The following FCSK variants were observed in gnomAD, a reference collection of about 807,000 sequenced individuals.
FCSK encodes the protein fucose kinase.
FCSK carries 123 observed loss-of-function variants against 122.5 expected under a neutral mutation model. That is an observed-to-expected ratio of 1.00 (90% CI 0.87 to 1.17). The LOEUF (loss-of-function observed/expected upper bound fraction) is 1.17, where lower values mean the gene tolerates loss of function less well. Among genes scored for constraint, FCSK ranks in the 50% most tolerant of loss-of-function variants. The pLI is 0.00. For missense variants in FCSK, 1,366 were observed against 1,450.4 expected, an observed-to-expected ratio of 0.94 and a Z score of 0.95; for synonymous variants, 620 against 625.5, an observed-to-expected ratio of 0.99 and a Z score of 0.13.
rs371965926 is a variant in FCSK, at chr16:70,479,223, G to A, written c.2973G>A (p.Glu991=). 2 of 1,613,846 alleles carry A rather than the reference G, an allele frequency of 1.2e-6. No homozygotes were observed. The highest frequency in any genetic ancestry group is 1.7e-6 in the Non-Finnish European group (2 of 1,180,040). Residue 991 remains glutamate (E), a synonymous_variant, in exon 23 of 24, where the codon GAG becomes GAA. Transcript: ENST00000288078. ...GCCAGTGCCTGACCTCGTACTGGGA[G>A]CAGAAGAAGCTCATGGCTCCAGGCT... The part of the protein sequence containing the change: ...LLGQCLTSYW[E]QKKLMAPGCE...
Position 70,469,321 on chromosome 16 carries a change from T to G in FCSK, c.953T>G (p.Met318Arg), listed in dbSNP as rs749811306. Residue 318 changes from methionine to arginine, a missense_variant and splice_region_variant, in exon 10 of 24, where the codon ATG becomes AGG. Transcript: ENST00000288078. ...GAGCTTCGCGATCAGCCCCTTACCA[T>G]GGGTGGGTACTGCCTCTCAGCTCCC... The part of the protein sequence containing the change: ...WRELRDQPLT[M>R]AYVSSGSYSY... 3.1e-6 allele frequency: 5 copies of G among 1,592,298 alleles called. No homozygotes were observed. The highest frequency in any genetic ancestry group is 1.7e-6 in the Non-Finnish European group (2 of 1,171,390).
At chr16:70,461,866 G>A (rs564946253) in intron 1 of FCSK, among the ~76,000 whole-genome samples, 1 of 152,316 alleles carries the variant, frequency 6.6e-6, no homozygotes, top group East Asian at 1.9e-4. Flanking sequence ...CCAGCCATCC[G>A]CCTTGGTGTC....
At chr16:70,479,087 G>A (rs571228058) in intron 22 of FCSK, 93 bp from the exon 23 acceptor site, 1 of 975,656 alleles carries the variant, frequency 1.0e-6, no homozygotes, top group East Asian at 2.6e-5. Flanking sequence ...CCATGACACT[G>A]GCTCAGCAGC....
rs769009456 is a variant in FCSK, at chr16:70,468,852, T to C, written c.667T>C (p.Ser223Pro). Residue 223 changes from serine (S) to proline (P), a missense_variant, in exon 9 of 24, where the codon TCT (serine) becomes CCT (proline). By Grantham distance (74) the Ser-to-Pro change is moderately conservative. Transcript: ENST00000288078. ...VRPDGRVPLV[S>P]GVVFFSVETA... ...ATCCTTTTGGGGTCCCTTCCAGGTC[T>C]CTGGGGTTGTCTTCTTCTCTGTGGA... is the stretch of plus-strand genomic sequence containing the variant. 22 of 1,614,030 alleles carry C rather than the reference T, an allele frequency of 1.4e-5. No individual in the cohort carries two copies. In the Admixed American group the frequency reaches 3.7e-4, roughly 27 times the overall value.
Position 70,474,241 on chromosome 16 carries a change from CA to C in FCSK, c.1892del (p.Asn631ThrfsTer31). ...RGGLRSGPAA[N>X]PEWMRPFSYL... The stretch of plus-strand genomic sequence containing the variant: ...GGGGCTTGCGGAGCGGGCCAGCTGC[CA>C]ACCCTGAGTGGATGCGGCCCTTCTC... On this transcript the variant is annotated frameshift_variant, in exon 16 of 24. Coordinates refer to ENST00000288078, the MANE Select transcript of FCSK (RefSeq NM_145059.3). LOFTEE classifies it high-confidence loss of function. 6.2e-7 allele frequency: 1 copy of C among 1,610,286 alleles called. No individual in the cohort carries two copies. The highest frequency in any genetic ancestry group is 8.5e-7 in the Non-Finnish European group (1 of 1,178,888).
chr16:70,464,278 A>T (rs909212775), intron 3 of FCSK, among the ~76,000 whole-genome samples: 1 of 152,188 alleles, frequency 6.6e-6, no homozygotes, highest in African/African-American at 2.4e-5. Flanking sequence ...GGAGGGGACC[A>T]CTGTAGCTGC....
chr16:70,466,315 C>G (rs1456402638), intron 5 of FCSK, 58 bp downstream of exon 5: 1 of 1,601,382 alleles, frequency 6.2e-7, no homozygotes, highest in African/African-American at 1.3e-5. Flanking sequence ...TTCCCTCCCA[C>G]TGTTCCCCCA....
In FCSK at chr16:70,478,445, C is replaced by T. The variant is rs17883248; in HGVS notation, c.2815C>T (p.Arg939Trp). 493 of 1,614,026 alleles carry T rather than the reference C, an allele frequency of 3.1e-4. 2 individuals are homozygous for T. The African/African-American group carries it at 5.8e-3, about 19-fold the overall frequency. Residue 939 changes from arginine (R) to tryptophan (W), a missense_variant, in exon 21 of 24, where the codon CGG becomes TGG. By Grantham distance (101) the Arg-to-Trp change is moderately radical (BLOSUM62 -3). Coordinates refer to ENST00000288078, the MANE Select transcript of FCSK (RefSeq NM_145059.3). ...GTACACTGGCAAGACCCGCCTGGCTCGGAACCTGCTGCAGGTGAGCTCTGG... is the reference window on the plus strand; with the variant it reads ...GTACACTGGCAAGACCCGCCTGGCTTGGAACCTGCTGCAGGTGAGCTCTGG... ...LVYTGKTRLA[R>W]NLLQDVLRSW... is the part of the protein sequence containing the mutation.
At position 70,475,159 on chromosome 16, in the gene FCSK, C is replaced by T. The variant is rs550469599; in HGVS notation, c.2377+148C>T. The T allele has an allele frequency of 7.0e-6, 7 of 993,766 alleles. No homozygotes were observed. The South Asian group carries it at 1.1e-4, about 16-fold the overall frequency. 61.6% of individuals were successfully genotyped at this position (993,766 alleles called of 1,614,324 possible). ...GGGAAGGAAGGGGCTGGGAGTCAAC[C>T]TGCAAAGATGACACGTGTCCCTGTC... is the stretch of plus-strand genomic sequence containing the variant. On this transcript the variant is annotated intron_variant, in intron 18 of 23. Coordinates refer to ENST00000288078, the MANE Select transcript of FCSK (RefSeq NM_145059.3).
chr16:70,463,646 G>T lies in FCSK; in HGVS notation c.106G>T (p.Glu36Ter). ...AGAACTGGAAGTGCGGCAGAAGCGGGAGCAGATCCCTGCTGGGACGCTGTT... is the reference window on the plus strand; with the variant it reads ...AGAACTGGAAGTGCGGCAGAAGCGGTAGCAGATCCCTGCTGGGACGCTGTT... ...QRELEVRQKREQIPAGTLLLA... is the reference protein window; with the variant it reads ...QRELEVRQKR Residue 36 changes from glutamate (E) to a stop codon, truncating the protein, a stop_gained, in exon 3 of 24, where the codon GAG becomes TAG. Coordinates refer to ENST00000288078, the MANE Select transcript of FCSK (RefSeq NM_145059.3). LOFTEE classifies it high-confidence loss of function. The T allele has an allele frequency of 1.9e-6, 3 of 1,613,572 alleles. No homozygotes were observed. The South Asian group carries it at 3.3e-5, about 18-fold the overall frequency.
rs746737160 is a variant in FCSK at position 70,475,343 on chromosome 16, TC to T, written c.2378-6del. The stretch of plus-strand genomic sequence containing the variant: ...TGAATTCCTTTCTCATGCCTGTCCT[TC>T]TGCAGGGGCCCTGCTGAAGGCGGCC... On this transcript the variant is annotated splice_polypyrimidine_tract_variant and splice_region_variant and intron_variant, in intron 18 of 23. Transcript: ENST00000288078. 6.2e-7 allele frequency: 1 copy of T among 1,609,148 alleles called. No homozygotes were observed. Among genetic ancestry groups the T allele is most frequent in the Non-Finnish European group, 8.5e-7 (1 of 1,179,810 alleles).
rs77606866 is a variant in FCSK, at chr16:70,468,037, T to G, written c.663+71T>G. 8.5e-4 allele frequency: 971 copies of G among 1,138,636 alleles called. 3 individuals carry two copies. The African/African-American group carries it at 0.011, about 13-fold the overall frequency. 70.5% of individuals were successfully genotyped at this position (1,138,636 alleles called of 1,614,324 possible). ...GACAGGGAGGGAGGGTCTGACTTCCTTCGATTCCTTCTAGAAGCCTCCAGG... is the reference window on the plus strand; with the variant it reads ...GACAGGGAGGGAGGGTCTGACTTCCGTCGATTCCTTCTAGAAGCCTCCAGG... On this transcript the variant is annotated intron_variant, in intron 8 of 23. Coordinates refer to ENST00000288078, the MANE Select transcript of FCSK (RefSeq NM_145059.3).
intron 4 of FCSK, 94 bp from the exon 5 acceptor site, chr16:70,466,038 A>C: frequency 2.3e-6 from 3 of 1,283,146 alleles, no homozygotes; most frequent in Non-Finnish European, 3.3e-6. Flanking sequence ...ATTTTTTATC[A>C]GCCCTCCACT....
intron 6 of FCSK, 116 bp downstream of exon 6, chr16:70,467,070 A>C: frequency 1.0e-6 from 1 of 960,068 alleles, no homozygotes; most frequent in Non-Finnish European, 1.6e-6. Flanking sequence ...ATTAGACGGG[A>C]AGCTGGAGGG....
chr16:70,471,498 T>C (rs746314257), intron 13 of FCSK, 146 bp downstream of exon 13: 1 of 819,520 alleles, frequency 1.2e-6, no homozygotes, highest in Non-Finnish European at 1.9e-6. Context: ...GAGGAGAGAA[T>C]GAGGGAGGAG....
rs1245032225 is a variant in FCSK at position 70,467,407 on chromosome 16, T to C, written c.518T>C (p.Val173Ala). The C allele has an allele frequency of 6.2e-7, 1 of 1,610,630 alleles. No individual in the cohort carries two copies. The change falls in exon 7 of 24, where the codon GTG becomes GCG. Residue 173 changes from valine (V) to alanine (A), a missense_variant. By Grantham distance (64) the Val-to-Ala change is moderately conservative (BLOSUM62 0). Coordinates refer to ENST00000288078, the MANE Select transcript of FCSK (RefSeq NM_145059.3). ...TGGGACAGCTTCCGGGGAGCCAGAG[T>C]GATCGCCCTCCCAGGGAGCCCGGCC... ...ISWDSFRGAR[V>A]IALPGSPAYA...
At chr16:70,474,405 G>A in intron 16 of FCSK, 66 bp downstream of exon 16, 1 of 1,571,148 alleles carries the variant, frequency 6.4e-7, no homozygotes, top group Non-Finnish European at 8.6e-7. Context: ...GGACCCTGAT[G>A]GAGGAAACCC....
At chr16:70,455,694 C>T (rs2048073158) in intron 1 of FCSK, among the ~76,000 whole-genome samples, 1 of 151,696 alleles carries the variant, frequency 6.6e-6, no homozygotes, top group Non-Finnish European at 1.5e-5. Flanking sequence ...GAGTTTGAGA[C>T]CAGCGTGGCC....
intron 4 of FCSK, among the ~76,000 whole-genome samples, chr16:70,465,459 GACC>G (rs1351128809): frequency 1.3e-5 from 2 of 151,834 alleles, no homozygotes; most frequent in African/African-American, 4.8e-5. Context: ...AGGAGATCGA[GACC>G]AGCCTGGGCA....
Sources: gnomAD v4.1 joint callset for allele counts (sites outside exome capture counted in the v4.1 genomes callset) on GRCh38, gnomAD v4.1.1 for gene constraint, MANE v1.5 for transcripts, NCBI Gene and HGNC (gene_info 2026-07-23, HGNC 2026-07-21) for gene names.